AGBL4: variants seen among roughly 807,000 people sequenced by gnomAD.
AGBL4 encodes AGBL carboxypeptidase 4.
Under a neutral mutation model 66.4 loss-of-function variants are expected in AGBL4, and 58 were observed. The observed-to-expected ratio is 0.87, with a 90% confidence interval of 0.71 to 1.09. The LOEUF is 1.09. Ranked by LOEUF, AGBL4 falls within the 50% of genes least tolerant of loss-of-function variation. The pLI is 0.00. For missense variants in AGBL4, 579 were observed against 631.0 expected, an observed-to-expected ratio of 0.92 and a Z score of 0.88; for synonymous variants, 234 against 222.9, an observed-to-expected ratio of 1.05 and a Z score of -0.44.
intron 6 of AGBL4, among the ~76,000 whole-genome samples, chr1:48,770,115 A>C (rs1426670385): frequency 6.6e-6 from 1 of 152,170 alleles, no homozygotes; most frequent in Admixed American, 6.5e-5. Flanking sequence ...TGCTCCCACC[A>C]ATGCCTGTGA....
chr1:49,047,934 A>G (rs1263973503), intron 4 of AGBL4, among the ~76,000 whole-genome samples: 1 of 151,958 alleles, frequency 6.6e-6, no homozygotes, highest in Non-Finnish European at 1.5e-5. Context: ...GAAAGAACAG[A>G]CCAGTGCAAG....
intron 1 of AGBL4, among the ~76,000 whole-genome samples, chr1:49,906,867 A>G (rs1180980178): frequency 6.6e-6 from 1 of 152,008 alleles, no homozygotes; most frequent in African/African-American, 2.4e-5. Context: ...GAACTATTTC[A>G]CTCTGTATGA....
At chr1:49,049,494 T>C (rs961333413) in intron 4 of AGBL4, among the ~76,000 whole-genome samples, 10 of 152,150 alleles carry the variant, frequency 6.6e-5, no homozygotes, top group Admixed American at 6.6e-4. Context: ...AAGAGTAGGC[T>C]TCTTGAAAAT....
chr1:49,921,088 C>T (rs1467500565), intron 1 of AGBL4, among the ~76,000 whole-genome samples: 2 of 151,898 alleles, frequency 1.3e-5, no homozygotes, highest in African/African-American at 2.4e-5. Flanking sequence ...CAGGGCCTGT[C>T]GTGGGGTGGG....
intron 1 of AGBL4, among the ~76,000 whole-genome samples, chr1:49,880,158 G>C (rs968203323): frequency 3.3e-5 from 5 of 151,782 alleles, no homozygotes; most frequent in African/African-American, 1.2e-4. Context: ...TCCTCTCTCA[G>C]CTCGTCAAAA....
intron 3 of AGBL4, among the ~76,000 whole-genome samples, chr1:49,318,612 A>G (rs1243948128): frequency 6.6e-6 from 1 of 152,134 alleles, no homozygotes; most frequent in African/African-American, 2.4e-5. Context: ...AAATATTTAG[A>G]ATGTATTGCC....
intron 6 of AGBL4, among the ~76,000 whole-genome samples, chr1:48,834,029 C>G (rs1355299499): frequency 6.6e-6 from 1 of 152,134 alleles, no homozygotes; most frequent in Non-Finnish European, 1.5e-5. Context: ...TATTTGCAAG[C>G]CATAATATCT....
intron 3 of AGBL4, among the ~76,000 whole-genome samples, chr1:49,652,172 A>G (rs979198656): frequency 6.6e-6 from 1 of 152,172 alleles, no homozygotes; most frequent in African/African-American, 2.4e-5. Flanking sequence ...TTTAATGAAC[A>G]AAGCCTTCAA....
At chr1:49,083,683 T>C (rs1009238457) in intron 4 of AGBL4, among the ~76,000 whole-genome samples, 1 of 152,202 alleles carries the variant, frequency 6.6e-6, no homozygotes, top group Non-Finnish European at 1.5e-5. Context: ...GGCTCCTCGT[T>C]ATTTATGCAA....
intron 3 of AGBL4, among the ~76,000 whole-genome samples, chr1:49,656,912 C>CA (rs1487451179): frequency 6.6e-6 from 1 of 152,140 alleles, no homozygotes; most frequent in Non-Finnish European, 1.5e-5. Context: ...ACTGAATGGG[C>CA]AAAAACTGGA....
intron 5 of AGBL4, among the ~76,000 whole-genome samples, chr1:49,006,164 T>C (rs1661780509): frequency 6.6e-6 from 1 of 152,006 alleles, no homozygotes; most frequent in African/African-American, 2.4e-5. Context: ...GGTCAGTGGG[T>C]GCGTGCACCG....
intron 5 of AGBL4, among the ~76,000 whole-genome samples, chr1:48,892,661 A>G (rs938610418): frequency 6.6e-6 from 1 of 152,088 alleles, no homozygotes; most frequent in Admixed American, 6.5e-5. Context: ...TGAGTTTCTG[A>G]TTAGCCTTTC....
At chr1:49,971,669 T>A (rs1365855834) in intron 1 of AGBL4, among the ~76,000 whole-genome samples, 1 of 151,974 alleles carries the variant, frequency 6.6e-6, no homozygotes, top group African/African-American at 2.4e-5. Flanking sequence ...CAATGTGTGA[T>A]AAATGCTTCG....
At chr1:49,486,276 T>A (rs1647064628) in intron 3 of AGBL4, among the ~76,000 whole-genome samples, 1 of 152,038 alleles carries the variant, frequency 6.6e-6, no homozygotes, top group Admixed American at 6.6e-5. Flanking sequence ...AAAGGTAATC[T>A]CAGAAAGATG....
chr1:49,469,252 C>T (rs940217397), intron 3 of AGBL4, among the ~76,000 whole-genome samples: 2 of 151,572 alleles, frequency 1.3e-5, no homozygotes, highest in African/African-American at 4.8e-5. Flanking sequence ...TTTTATGTTT[C>T]TCAAATGTCC....
intron 5 of AGBL4, among the ~76,000 whole-genome samples, chr1:49,045,376 C>T (rs749261901): frequency 4.6e-5 from 7 of 152,022 alleles, no homozygotes; most frequent in African/African-American, 7.3e-5. Flanking sequence ...TGCCCACAGT[C>T]GCAATAAATC....
At chr1:49,815,272 C>T (rs1044911565) in intron 2 of AGBL4, among the ~76,000 whole-genome samples, 17 of 152,102 alleles carry the variant, frequency 1.1e-4, no homozygotes, top group Non-Finnish European at 2.2e-4. Flanking sequence ...GTACATGAGA[C>T]GTTTGTCTTT....
intron 5 of AGBL4, among the ~76,000 whole-genome samples, chr1:48,967,586 A>C (rs527753561): frequency 2.0e-5 from 3 of 152,272 alleles, no homozygotes; most frequent in African/African-American, 7.2e-5. Flanking sequence ...AAGTAGCAGA[A>C]GCTGAATAAC....
intron 4 of AGBL4, among the ~76,000 whole-genome samples, chr1:49,170,177 T>C (rs1187170340): frequency 4.1e-5 from 6 of 147,784 alleles, no homozygotes; most frequent in South Asian, 2.1e-4. Flanking sequence ...AAATATATTA[T>C]AAATTTATAT....
Sources: gnomAD v4.1 joint callset for allele counts (sites outside exome capture counted in the v4.1 genomes callset) on GRCh38, gnomAD v4.1.1 for gene constraint, MANE v1.5 for transcripts, NCBI Gene and HGNC (gene_info 2026-07-23, HGNC 2026-07-21) for gene names.